CEP85L: variants seen among roughly 807,000 people sequenced by gnomAD.
CEP85L encodes the protein centrosomal protein 85L.
In CEP85L, 60 loss-of-function variants were observed where a neutral mutation model predicts 100.3. The ratio of observed to expected loss-of-function variants is 0.60; its 90% CI spans 0.49 to 0.74. The LOEUF (loss-of-function observed/expected upper bound fraction) is 0.74. CEP85L is among the 30% of genes least tolerant of loss of function. The pLI is 0.00. For synonymous variants in CEP85L, 319 were observed against 322.7 expected, an observed-to-expected ratio of 0.99 and a Z score of 0.12; for missense variants, 973 against 936.2, an observed-to-expected ratio of 1.04 and a Z score of -0.51.
intron 4 of CEP85L, among the ~76,000 whole-genome samples, chr6:118,516,503 G>T (rs1776287077): frequency 1.3e-5 from 2 of 152,230 alleles, no homozygotes; most frequent in Admixed American, 6.5e-5. Context: ...CTAATGATCA[G>T]TGATGATGAG....
intron 3 of CEP85L, among the ~76,000 whole-genome samples, chr6:118,556,397 T>C (rs1778878594): frequency 6.6e-6 from 1 of 152,040 alleles, no homozygotes; most frequent in Non-Finnish European, 1.5e-5. Flanking sequence ...GGGGACAGAG[T>C]CTCAAGCCAA....
intron 1 of CEP85L, among the ~76,000 whole-genome samples, chr6:118,671,872 T>G (rs894956784): frequency 5.9e-5 from 9 of 152,156 alleles, no homozygotes; most frequent in Admixed American, 5.9e-4. Flanking sequence ...CAGAGGTGGA[T>G]GTTGCAGTGA....
intron 2 of CEP85L, among the ~76,000 whole-genome samples, chr6:118,617,553 C>A (rs1252519462): frequency 6.6e-6 from 1 of 152,184 alleles, no homozygotes; most frequent in Non-Finnish European, 1.5e-5. Flanking sequence ...GTTTCTCGCT[C>A]CTGTACTGGA....
At chr6:118,677,101 A>AG (rs1033048359) in intron 1 of CEP85L, among the ~76,000 whole-genome samples, 2 of 152,192 alleles carry the variant, frequency 1.3e-5, no homozygotes, top group Non-Finnish European at 2.9e-5. Context: ...TCAGGGTCCC[A>AG]GCTCTGTTAC....
At chr6:118,567,160 T>C (rs1779556834) in intron 2 of CEP85L, among the ~76,000 whole-genome samples, 2 of 150,782 alleles carry the variant, frequency 1.3e-5, no homozygotes, top group Admixed American at 1.3e-4. Flanking sequence ...TCCAGTCTCA[T>C]TTAATGGCAT....
intron 3 of CEP85L, among the ~76,000 whole-genome samples, chr6:118,539,626 T>C (rs1477270407): frequency 6.6e-6 from 1 of 151,566 alleles, no homozygotes; most frequent in Non-Finnish European, 1.5e-5. Context: ...CCGGGATACA[T>C]GTGAAGGACA....
At chr6:118,651,914 C>T (rs760741319), upstream of CEP85L, 219 of 985,464 alleles carry the variant, frequency 2.2e-4, 1 homozygote, top group Non-Finnish European at 2.6e-4. Flanking sequence ...TGTGAAGACA[C>T]GTGGAAGACC....
intron 1 of CEP85L, among the ~76,000 whole-genome samples, chr6:118,699,435 A>G (rs1489455187): frequency 2.1e-5 from 3 of 145,936 alleles, no homozygotes; most frequent in Admixed American, 6.9e-5. Flanking sequence ...AGCCTGGATG[A>G]CAGAGCAAGA....
intron 2 of CEP85L, among the ~76,000 whole-genome samples, chr6:118,621,627 T>C (rs896270857): frequency 1.3e-5 from 2 of 152,164 alleles, no homozygotes; most frequent in African/African-American, 4.8e-5. Context: ...ATCTCTTGAA[T>C]TTTCTAGCTA....
chr6:118,648,230 G>A (rs1393532341), intron 1 of CEP85L, among the ~76,000 whole-genome samples: 1 of 152,080 alleles, frequency 6.6e-6, no homozygotes, highest in Non-Finnish European at 1.5e-5. Flanking sequence ...CTCCAGGCTG[G>A]GCAACAGAGG....
At position 118,667,673 on chromosome 6, in the gene CEP85L, T is replaced by C. The variant is rs182651858; in HGVS notation, c.-27-14865A>G. Among the ~76,000 whole-genome samples the C allele has an allele frequency of 2.8e-3, 429 of 152,342 alleles. 1 individual carries two copies. The highest frequency in any genetic ancestry group is 4.2e-3 in the Non-Finnish European group (285 of 68,026). ...TCTGAGATTTTCATTCATTTCTCTA[T>C]TCACAAGGGACTAAGGCCTAGAGAG... On this transcript the variant is annotated intron_variant, in intron 1 of 13. Transcript: ENST00000368488.
Position 118,549,978 on chromosome 6 carries a change from A to G in CEP85L, c.1020+15551T>C, listed in dbSNP as rs572489248. 5.1e-4 allele frequency among the ~76,000 whole-genome samples: 78 copies of G among 152,054 alleles called. 1 individual carries two copies. The highest frequency in any genetic ancestry group is 4.1e-3 in the South Asian group (20 of 4,830). ...ACATTGTGTCCCAACTAGTTCATCT[A>G]TACCTTAAGGTGCAAGTTAAGTATT... On this transcript the variant is annotated intron_variant, in intron 3 of 12. Coordinates refer to ENST00000368491, the MANE Select transcript of CEP85L (RefSeq NM_001042475.3).
intron 4 of CEP85L, among the ~76,000 whole-genome samples, chr6:118,519,503 C>T (rs188488150): frequency 1.3e-3 from 43 of 34,288 alleles, no homozygotes; most frequent in Admixed American, 1.5e-3. Flanking sequence ...ACTCCGTGTG[C>T]GTGTGTGTGG....
chr6:118,507,631 A>C (rs1459882118), intron 5 of CEP85L, among the ~76,000 whole-genome samples: 2 of 152,088 alleles, frequency 1.3e-5, no homozygotes, highest in East Asian at 3.8e-4. Flanking sequence ...CTCACATTAC[A>C]TTTCATCCAC....
At position 118,566,013 on chromosome 6, in the gene CEP85L, G is replaced by T. The variant is rs1265058799; in HGVS notation, c.536C>A (p.Ser179Ter). 6.2e-7 allele frequency: 1 copy of T among 1,614,012 alleles called. No homozygotes were observed. Among genetic ancestry groups the T allele is most frequent in the Non-Finnish European group, 8.5e-7 (1 of 1,180,036 alleles). Residue 179 changes from serine (S) to a stop codon, truncating the protein, a stop_gained, in exon 3 of 13, where the codon TCA (serine) becomes TAA (stop). Transcript: ENST00000368491. LOFTEE classifies it high-confidence loss of function. Reference sequence around the variant, plus strand: ...CCCTATCTTCTCCAAACCATTCCTTGACTCTTCTCTGCATACAGTGCCACC... The same window carrying T: ...CCCTATCTTCTCCAAACCATTCCTTTACTCTTCTCTGCATACAGTGCCACC... ...GQGGTVCREE[S>*]RNGLEKIGKA...
chr6:118,681,634 A>T (rs1776661899), intron 1 of CEP85L, among the ~76,000 whole-genome samples: 1 of 151,972 alleles, frequency 6.6e-6, no homozygotes, highest in Non-Finnish European at 1.5e-5. Context: ...CTGCAATGTC[A>T]CTGGTATATT....
At chr6:118,515,499 A>C (rs776379730) in intron 4 of CEP85L, among the ~76,000 whole-genome samples, 3 of 152,208 alleles carry the variant, frequency 2.0e-5, no homozygotes, top group East Asian at 1.9e-4. Flanking sequence ...TGAGCCATGA[A>C]ACAAGCACCA....
chr6:118,576,707 T>C (rs1431665833), intron 2 of CEP85L, among the ~76,000 whole-genome samples: 1 of 152,180 alleles, frequency 6.6e-6, no homozygotes, highest in African/African-American at 2.4e-5. Flanking sequence ...TGGGCAGTTT[T>C]AGGGCACTGC....
chr6:118,487,099 G>T (rs1236929850), intron 6 of CEP85L, among the ~76,000 whole-genome samples: 3 of 152,216 alleles, frequency 2.0e-5, no homozygotes, highest in East Asian at 1.9e-4. Flanking sequence ...ATGAAAGGAG[G>T]AGTAGAAGGG....
Sources: allele counts gnomAD v4.1 joint callset (sites outside exome capture counted in the v4.1 genomes callset), GRCh38; gene constraint gnomAD v4.1.1; transcripts MANE v1.5; gene names NCBI Gene and HGNC (gene_info 2026-07-23, HGNC 2026-07-21).